The following EGLN3 variants were observed in gnomAD, a reference collection of about 807,000 sequenced individuals.
EGLN3 encodes the protein egl-9 family hypoxia inducible factor 3.
A neutral mutation model predicts 26.0 loss-of-function variants in EGLN3; 15 were observed. That is an observed-to-expected ratio of 0.58 (90% CI 0.39 to 0.89). The LOEUF (loss-of-function observed/expected upper bound fraction) is 0.89, where lower values mean the gene tolerates loss of function less well. Among genes scored for constraint, EGLN3 ranks in the 40% least tolerant of loss-of-function variants. The probability of loss-of-function intolerance (pLI) is 0.00; values close to 1 mark genes in which losing one functional copy is unlikely to be tolerated. For missense variants in EGLN3, 238 were observed against 311.6 expected, an observed-to-expected ratio of 0.76 and a Z score of 1.78; for synonymous variants, 147 against 127.2, an observed-to-expected ratio of 1.16 and a Z score of -1.05.
chr14:33,936,194 C>T (rs1372559874), intron 1 of EGLN3, among the ~76,000 whole-genome samples: 4 of 149,634 alleles, frequency 2.7e-5, no homozygotes, highest in Admixed American at 6.6e-5. Flanking sequence ...CGCACCACTG[C>T]ACTCCAGCCT....
chr14:33,937,386 G>C lies in EGLN3; in HGVS notation c.358-6171C>G, dbSNP rs574078165. ...CCTTGGCATCTTGCTGGTCATCTTT[G>C]TTGTTGGTTAAGAGCAAGCCTAGCT... On this transcript the variant is annotated intron_variant, in intron 1 of 4. Coordinates refer to ENST00000250457, the MANE Select transcript of EGLN3 (RefSeq NM_022073.4). 7.9e-5 allele frequency among the ~76,000 whole-genome samples: 12 copies of C among 152,308 alleles called. No individual in the cohort carries two copies. In the South Asian group the frequency reaches 2.5e-3, roughly 32 times the overall value.
chr14:33,933,409 G>A (rs909739515), intron 1 of EGLN3, among the ~76,000 whole-genome samples: 1 of 151,580 alleles, frequency 6.6e-6, no homozygotes, highest in South Asian at 2.1e-4. Flanking sequence ...CAATTCCAGA[G>A]GACTTACTAT....
intron 4 of EGLN3, among the ~76,000 whole-genome samples, chr14:33,926,374 G>C (rs373383906): frequency 4.6e-5 from 7 of 152,274 alleles, no homozygotes; most frequent in Admixed American, 1.3e-4. Flanking sequence ...TAATATGCTA[G>C]TGAGCAATGT....
chr14:33,949,018 T>C (rs1455839751), intron 1 of EGLN3: 1 of 152,236 alleles, frequency 6.6e-6, no homozygotes, highest in Non-Finnish European at 1.5e-5. Context: ...AGAAACACTT[T>C]AGCATCAATC....
At position 33,951,072 on chromosome 14, in the gene EGLN3, C is replaced by A; in HGVS notation, c.-320G>T. 3.2e-6 allele frequency: 1 copy of A among 309,040 alleles called. No homozygotes were observed. The highest frequency in any genetic ancestry group is 5.9e-6 in the Non-Finnish European group (1 of 168,124). 19.1% of individuals were successfully genotyped at this position (309,040 alleles called of 1,614,324 possible). On this transcript the variant is annotated 5_prime_UTR_variant, in exon 1 of 5. Coordinates refer to ENST00000250457, the MANE Select transcript of EGLN3 (RefSeq NM_022073.4). ...AAGCCACCACTGCCGCGACTGCGGC[C>A]AGACTCCGGGAGACGCTGAGGTCCG... is the stretch of plus-strand genomic sequence containing the variant.
intron 1 of EGLN3, among the ~76,000 whole-genome samples, chr14:33,947,977 G>A (rs994815732): frequency 2.0e-5 from 3 of 152,126 alleles, no homozygotes; most frequent in Admixed American, 6.5e-5. Context: ...GAACCCAGGA[G>A]GCAGAGATTG....
At chr14:33,944,366 C>T (rs563215214) in intron 1 of EGLN3, among the ~76,000 whole-genome samples, 125 of 152,170 alleles carry the variant, frequency 8.2e-4, no homozygotes, top group African/African-American at 2.8e-3. Flanking sequence ...GTGATCTGCC[C>T]GCCTCGGCCT....
At chr14:33,930,771 T>C (rs1448882790) in intron 2 of EGLN3, among the ~76,000 whole-genome samples, 9 of 152,190 alleles carry the variant, frequency 5.9e-5, no homozygotes, top group Non-Finnish European at 1.2e-4. Flanking sequence ...CTATTCTGCA[T>C]TGAGTCAGAA....
chr14:33,926,930 A>G, intron 4 of EGLN3, 30 bp downstream of exon 4: 2 of 1,542,790 alleles, frequency 1.3e-6, no homozygotes, highest in Non-Finnish European at 8.9e-7. Flanking sequence ...TAACTTGATC[A>G]AAAGTCACAG....
At chr14:33,929,579 C>T (rs1173818005) in intron 2 of EGLN3, among the ~76,000 whole-genome samples, 1 of 152,118 alleles carries the variant, frequency 6.6e-6, no homozygotes, top group Admixed American at 6.5e-5. Flanking sequence ...CTCGAACTCC[C>T]GACCTCAGGT....
chr14:33,926,203 G>A (rs1021037746), intron 4 of EGLN3, among the ~76,000 whole-genome samples: 2 of 152,208 alleles, frequency 1.3e-5, no homozygotes, highest in Non-Finnish European at 2.9e-5. Flanking sequence ...ACATATCAGA[G>A]TTAAGCAGTG....
rs1371185451 is a variant in EGLN3, at chr14:33,944,600, T to C, written c.357+5796A>G. On this transcript the variant is annotated intron_variant, in intron 1 of 4. Coordinates refer to ENST00000250457, the MANE Select transcript of EGLN3 (RefSeq NM_022073.4). ...CATCCTGTATAGTTTTGATCACTTG[T>C]TCTGGTTGCTTCATTTTAAATTAAC... Among the ~76,000 whole-genome samples the C allele has an allele frequency of 1.3e-3, 200 of 152,340 alleles. 1 individual carries two copies. Among genetic ancestry groups the C allele is most frequent in the Non-Finnish European group, 2.1e-4 (14 of 68,028 alleles).
chr14:33,947,207 T>C (rs928639166), intron 1 of EGLN3, among the ~76,000 whole-genome samples: 3 of 152,202 alleles, frequency 2.0e-5, no homozygotes, highest in Admixed American at 6.5e-5. Flanking sequence ...CCAATATTTA[T>C]CTTGGATATG....
intron 1 of EGLN3, among the ~76,000 whole-genome samples, chr14:33,941,568 T>C (rs950736972): frequency 3.2e-4 from 46 of 144,126 alleles, no homozygotes; most frequent in Non-Finnish European, 4.8e-4. Flanking sequence ...CCAAAAAAAA[T>C]TCTAGCTTTT....
intron 1 of EGLN3, among the ~76,000 whole-genome samples, chr14:33,947,380 T>C (rs1443095596): frequency 6.6e-6 from 1 of 152,172 alleles, no homozygotes; most frequent in Non-Finnish European, 1.5e-5. Flanking sequence ...AAAGATGAGG[T>C]AGACAAATTC....
At chr14:33,929,234 G>T (rs1210886511) in intron 2 of EGLN3, 22 bp from the exon 3 acceptor site, 1 of 1,613,056 alleles carries the variant, frequency 6.2e-7, no homozygotes. Context: ...AAAGAAGGGG[G>T]ATTATTTCTT....
intron 2 of EGLN3, among the ~76,000 whole-genome samples, chr14:33,930,307 G>C (rs1049338008): frequency 1.3e-5 from 2 of 152,164 alleles, no homozygotes; most frequent in Non-Finnish European, 2.9e-5. Flanking sequence ...AGAAGAGATA[G>C]GCCTTTTCAC....
At chr14:33,944,938 T>C (rs894190218) in intron 1 of EGLN3, among the ~76,000 whole-genome samples, 1 of 152,152 alleles carries the variant, frequency 6.6e-6, no homozygotes, top group Non-Finnish European at 1.5e-5. Flanking sequence ...AAATTACAAA[T>C]TAAACACACA....
At chr14:33,935,183 T>C (rs1482171987) in intron 1 of EGLN3, among the ~76,000 whole-genome samples, 2 of 152,220 alleles carry the variant, frequency 1.3e-5, no homozygotes, top group Non-Finnish European at 2.9e-5. Flanking sequence ...AGGGAGATAA[T>C]CCATGTAAAA....
Sources: allele counts gnomAD v4.1 joint callset (sites outside exome capture counted in the v4.1 genomes callset), GRCh38; gene constraint gnomAD v4.1.1; transcripts MANE v1.5; gene names NCBI Gene and HGNC (gene_info 2026-07-23, HGNC 2026-07-21).